Variants in ELAPOR2 observed in about 807,000 individuals in gnomAD.
ELAPOR2 encodes endosome-lysosome associated apoptosis and autophagy regulator family member 2, also known as endosome/lysosome-associated apoptosis and autophagy regulator family member 2.
Under a neutral mutation model 120.7 loss-of-function variants are expected in ELAPOR2, and 89 were observed. The ratio of observed to expected loss-of-function variants is 0.74; its 90% confidence interval spans 0.62 to 0.88. ELAPOR2 has a LOEUF of 0.88. ELAPOR2 is among the 40% of genes least tolerant of loss of function. The pLI is 0.00. For synonymous variants in ELAPOR2, 444 were observed against 444.9 expected (o/e 1.00, Z 0.03); for missense variants, 1,134 against 1,251.6 (o/e 0.91, Z 1.42).
In ELAPOR2 at chr7:86,981,035, A is replaced by G. The variant is rs1291454627; in HGVS notation, c.190-16011T>C. ...TGTTCATCTGATGGGAGGCATCAGC[A>G]GGAGATTAGAGAGAGTTCTCTATCT... On this transcript the variant is annotated intron_variant, in intron 1 of 21. Transcript: ENST00000450689. Among the ~76,000 whole-genome samples, 3 of 152,266 alleles carry G rather than the reference A, an allele frequency of 2.0e-5. No homozygotes were observed. In the East Asian group the frequency reaches 5.8e-4, roughly 30 times the overall value.
chr7:86,969,495 T>C (rs991030143), intron 1 of ELAPOR2, among the ~76,000 whole-genome samples: 1 of 152,172 alleles, frequency 6.6e-6, no homozygotes, highest in African/African-American at 2.4e-5. Flanking sequence ...TTCATTAATA[T>C]ATATCATTAT....
At chr7:86,988,686 G>C (rs1767701) in intron 1 of ELAPOR2, among the ~76,000 whole-genome samples, 57,555 of 151,968 alleles carry the variant, frequency 0.38, 11,744 homozygotes, top group African/African-American at 0.53. Context: ...TTTTCAAAAA[G>C]TATGTGTCAA....
At chr7:87,000,819 C>G (rs1373859293) in intron 1 of ELAPOR2, among the ~76,000 whole-genome samples, 3 of 152,086 alleles carry the variant, frequency 2.0e-5, no homozygotes, top group Non-Finnish European at 4.4e-5. Flanking sequence ...AGAGAGCTGA[C>G]CTGGAACAGT....
At chr7:87,023,634 G>C (rs921662028) in intron 1 of ELAPOR2, among the ~76,000 whole-genome samples, 3 of 152,132 alleles carry the variant, frequency 2.0e-5, no homozygotes, top group African/African-American at 7.2e-5. Context: ...GGATGGCAGT[G>C]AATCTATAAA....
intron 12 of ELAPOR2, among the ~76,000 whole-genome samples, chr7:86,918,115 G>A (rs1220030966): frequency 1.3e-5 from 2 of 151,562 alleles, no homozygotes; most frequent in Admixed American, 1.3e-4. Flanking sequence ...ATGGTTATCA[G>A]GTGAGAATTT....
intron 18 of ELAPOR2, among the ~76,000 whole-genome samples, chr7:86,903,429 A>G (rs991487302): frequency 1.3e-5 from 2 of 152,198 alleles, no homozygotes; most frequent in African/African-American, 4.8e-5. Context: ...CATATCTATT[A>G]TCTGTCTATA....
intron 12 of ELAPOR2, among the ~76,000 whole-genome samples, chr7:86,915,870 T>C (rs1789548836): frequency 6.6e-6 from 1 of 151,988 alleles, no homozygotes; most frequent in Non-Finnish European, 1.5e-5. Flanking sequence ...GAAATCCTCA[T>C]GTAACCAAAC....
chr7:86,927,720 T>A (rs953506005), intron 8 of ELAPOR2, among the ~76,000 whole-genome samples: 2 of 151,948 alleles, frequency 1.3e-5, no homozygotes, highest in Non-Finnish European at 2.9e-5. Context: ...GGGTTAGCCA[T>A]TCGAAAACAA....
chr7:86,974,890 T>C (rs1424059392), intron 1 of ELAPOR2, among the ~76,000 whole-genome samples: 1 of 152,166 alleles, frequency 6.6e-6, no homozygotes, highest in Non-Finnish European at 1.5e-5. Context: ...AGCACCTCAG[T>C]CTAAATCACT....
chr7:87,023,447 A>C (rs540353736), intron 1 of ELAPOR2, among the ~76,000 whole-genome samples: 1 of 152,106 alleles, frequency 6.6e-6, no homozygotes, highest in African/African-American at 2.4e-5. Context: ...TACCAGTACC[A>C]TGCTGTTTTG....
At chr7:86,888,301 T>C (rs982014362) in intron 21 of ELAPOR2, among the ~76,000 whole-genome samples, 7 of 152,188 alleles carry the variant, frequency 4.6e-5, no homozygotes, top group Admixed American at 1.3e-4. Flanking sequence ...TTATAGTTAC[T>C]GAAATGAGAC....
Position 86,914,849 on chromosome 7 carries a change from T to C in ELAPOR2, c.1605A>G (p.Arg535=). Residue 535 remains arginine, a synonymous_variant, in exon 13 of 22, where the codon AGA becomes AGG. Coordinates refer to ENST00000450689, the MANE Select transcript of ELAPOR2 (RefSeq NM_001142749.3). ...ACGATTCTACCACATTTGTACTTTT[T>C]CTATTAATATCCTGAAATATAGTGG... The part of the protein sequence containing the change: ...CVLYFMVDIN[R]KSTNVVESWG... 6.2e-7 allele frequency: 1 copy of C among 1,608,504 alleles called. No individual in the cohort carries two copies. Among genetic ancestry groups the C allele is most frequent in the Non-Finnish European group, 8.5e-7 (1 of 1,177,762 alleles).
At chr7:86,910,522 G>C (rs975153453) in intron 15 of ELAPOR2, among the ~76,000 whole-genome samples, 8 of 151,962 alleles carry the variant, frequency 5.3e-5, no homozygotes, top group African/African-American at 1.4e-4. Flanking sequence ...CTAAATAATT[G>C]GTCACTACAA....
intron 16 of ELAPOR2, 92 bp from the exon 17 acceptor site, chr7:86,908,635 C>T (rs1789151203): frequency 3.5e-6 from 2 of 575,342 alleles, no homozygotes; most frequent in African/African-American, 2.0e-5. Context: ...GCTTTAATGA[C>T]TGTCATTTTA....
rs138347518 is a variant in ELAPOR2 at position 86,897,172 on chromosome 7, G to C, written c.2685+334C>G. Among the ~76,000 whole-genome samples the C allele has an allele frequency of 5.9e-5, 9 of 152,114 alleles. No homozygotes were observed. The East Asian group carries it at 1.7e-3, about 29-fold the overall frequency. On this transcript the variant is annotated intron_variant, in intron 19 of 21. Transcript: ENST00000450689. ...TTACTTTTTAGGCATGCTTCTTATAGTGAGTCAGTTATATTATCCCCATCT... is the reference window on the plus strand; with the variant it reads ...TTACTTTTTAGGCATGCTTCTTATACTGAGTCAGTTATATTATCCCCATCT...
chr7:86,933,060 G>A lies in ELAPOR2; in HGVS notation c.1089+5066C>T, dbSNP rs867173960. 2.2e-4 allele frequency among the ~76,000 whole-genome samples: 33 copies of A among 151,576 alleles called. No homozygotes were observed. In the South Asian group the frequency reaches 6.2e-3, roughly 29 times the overall value. On this transcript the variant is annotated intron_variant, in intron 8 of 21. Transcript: ENST00000450689. ...ATCTGACTTATATTCTTCTTTGTGT[G>A]AGTTACAGTATGTATAAATGACTTG...
Position 86,931,919 on chromosome 7 carries a change from G to A in ELAPOR2, c.1090-5003C>T, listed in dbSNP as rs1790345285. ...TGAAAAATCATTCTCTTTTTATTCT[G>A]GTAACTGTAACCATCTTTTTCTCTT... On this transcript the variant is annotated intron_variant, in intron 8 of 21. Coordinates refer to ENST00000450689, the MANE Select transcript of ELAPOR2 (RefSeq NM_001142749.3). Among the ~76,000 whole-genome samples the A allele has an allele frequency of 4.6e-5, 7 of 151,756 alleles. No homozygotes were observed. The South Asian group carries it at 1.5e-3, about 31-fold the overall frequency.
intron 10 of ELAPOR2, 38 bp from the exon 11 acceptor site, chr7:86,919,348 C>T (rs1256874842): frequency 1.6e-6 from 2 of 1,234,752 alleles, no homozygotes. Context: ...AATAAAAATT[C>T]CATTAATGAT....
intron 1 of ELAPOR2, among the ~76,000 whole-genome samples, chr7:86,993,734 T>G (rs1793031349): frequency 6.6e-6 from 1 of 152,200 alleles, no homozygotes. Context: ...TCCTCTATAA[T>G]CTAGTCCTGA....
Sources: allele counts gnomAD v4.1 joint callset (sites outside exome capture counted in the v4.1 genomes callset), GRCh38; gene constraint gnomAD v4.1.1; transcripts MANE v1.5; gene names NCBI Gene and HGNC (gene_info 2026-07-23, HGNC 2026-07-21).